Variants in CCDC74B observed in about 807,000 individuals in gnomAD.
CCDC74B encodes coiled-coil domain containing 74B.
In CCDC74B, 34 loss-of-function variants were observed where a neutral mutation model predicts 38.0. The observed-to-expected ratio is 0.89, with a 90% confidence interval of 0.68 to 1.19. CCDC74B has a LOEUF of 1.19. CCDC74B is among the 50% of genes most tolerant of loss of function. The pLI is 0.00. For missense variants in CCDC74B, 358 were observed against 406.0 expected (o/e 0.88, Z 1.02); for synonymous variants, 132 against 170.4 (o/e 0.77, Z 1.76).
Position 130,144,264 on chromosome 2 carries a change from C to G in CCDC74B, c.250+483G>C, listed in dbSNP as rs1685879051. On this transcript the variant is annotated intron_variant, in intron 1 of 7. Coordinates refer to ENST00000409943, the MANE Select transcript of CCDC74B (RefSeq NM_001258307.2). ...ACGCCATTCTCCTGCCTCAGCCTCCCGAGTAGCTGGGACTACAGACGCCCA... is the reference window on the plus strand; with the variant it reads ...ACGCCATTCTCCTGCCTCAGCCTCCGGAGTAGCTGGGACTACAGACGCCCA... 1.3e-5 allele frequency: 5 copies of G among 397,648 alleles called. 1 individual carries two copies. The highest frequency in any genetic ancestry group is 4.0e-5 in the South Asian group (2 of 49,656). The allele number at this position is 397,648 out of a possible 1,614,324, so 24.6% of individuals were successfully genotyped here.
intron 4 of CCDC74B, 154 bp from the exon 5 acceptor site, chr2:130,140,525 G>A: frequency 2.4e-6 from 2 of 833,380 alleles, no homozygotes; most frequent in East Asian, 2.7e-5. Context: ...ACCAGGTGGG[G>A]GTCTCTGGGA....
intron 3 of CCDC74B, chr2:130,141,729 CAGA>C: frequency 2.6e-6 from 1 of 386,332 alleles, no homozygotes; most frequent in South Asian, 3.0e-5. Context: ...GTTCACTCTG[CAGA>C]AGGTGCCATG....
intron 2 of CCDC74B, chr2:130,142,974 C>T: frequency 1.3e-6 from 2 of 1,515,588 alleles, no homozygotes; most frequent in East Asian, 2.5e-5. Context: ...CCCAGGGGTT[C>T]CTTCCCATTT....
At position 130,140,065 on chromosome 2, in the gene CCDC74B, C is replaced by G; in HGVS notation, c.710G>C (p.Ser237Thr). 6.2e-7 allele frequency: 1 copy of G among 1,612,364 alleles called. No individual in the cohort carries two copies. The highest frequency in any genetic ancestry group is 1.3e-5 in the African/African-American group (1 of 74,966). Residue 237 changes from serine (S) to threonine (T), a missense_variant, in exon 6 of 8, where the codon AGC (serine) becomes ACC (threonine). By Grantham distance (58) the Ser-to-Thr change is moderately conservative (BLOSUM62 1). Coordinates refer to ENST00000409943, the MANE Select transcript of CCDC74B (RefSeq NM_001258307.2). ...LQHLKSLLEG[S>T]QRPQAVPEEA... Reference sequence around the variant, plus strand: ...CTCCGGGACTGCCTGGGGCCTCTGGCTCCCTTCCAGGAGGGACTTGAGGTG... The same window carrying G: ...CTCCGGGACTGCCTGGGGCCTCTGGGTCCCTTCCAGGAGGGACTTGAGGTG...
In CCDC74B at chr2:130,140,107, G is replaced by A. The variant is rs1444760133; in HGVS notation, c.679-11C>T. On this transcript the variant is annotated splice_polypyrimidine_tract_variant and intron_variant, in intron 5 of 7. Transcript: ENST00000409943. ...CTTGAGGTGCTGCAGCTGAAAGGCA[G>A]GGGCAGGGGCGTGGTGGGGCCTGTG... 6.2e-7 allele frequency: 1 copy of A among 1,613,170 alleles called. No individual in the cohort carries two copies. The highest frequency in any genetic ancestry group is 2.2e-5 in the East Asian group (1 of 44,858).
At position 130,144,887 on chromosome 2, in the gene CCDC74B, T is replaced by C. The variant is rs771465968; in HGVS notation, c.110A>G (p.Gln37Arg). 18 of 1,612,460 alleles carry C rather than the reference T, an allele frequency of 1.1e-5. No homozygotes were observed. The highest frequency in any genetic ancestry group is 1.5e-5 in the Non-Finnish European group (18 of 1,179,496). ...GTCGCTCTGCCTGAGCTGCGGGCTC[T>C]GCGGCCTCAAGGACTGGACGCCCAC... ...PSVGVQSLRP[Q>R]SPQLRQSDPQ... Residue 37 changes from glutamine (Q) to arginine (R), a missense_variant, in exon 1 of 8, where the codon CAG becomes CGG. Around this residue, in one of 3 missense-constraint regions of CCDC74B, gnomAD observed 128 missense variants for 146.7 expected, o/e 0.87. Coordinates refer to ENST00000409943, the MANE Select transcript of CCDC74B (RefSeq NM_001258307.2).
Position 130,139,692 on chromosome 2 carries a change from T to TG in CCDC74B, c.810-3dup. The TG allele has an allele frequency of 6.2e-7, 1 of 1,612,818 alleles. No homozygotes were observed. The highest frequency in any genetic ancestry group is 8.5e-7 in the Non-Finnish European group (1 of 1,179,928). ...GCCACAGGTGGGCTCAGAAGCAGGCTGGGGGCGGGTAGAGGGACTGTCACC... is the reference window on the plus strand; with the variant it reads ...GCCACAGGTGGGCTCAGAAGCAGGCTGGGGGGCGGGTAGAGGGACTGTCACC... On this transcript the variant is annotated splice_polypyrimidine_tract_variant and splice_region_variant and intron_variant, in intron 7 of 7. Coordinates refer to ENST00000409943, the MANE Select transcript of CCDC74B (RefSeq NM_001258307.2).
At chr2:130,142,565 C>T (rs1431325472) in intron 2 of CCDC74B, 1 of 1,550,606 alleles carries the variant, frequency 6.4e-7, no homozygotes, top group African/African-American at 1.4e-5. Flanking sequence ...CCCTCAACCC[C>T]ATTCTCCATG....
At chr2:130,140,458 G>A in intron 4 of CCDC74B, 87 bp from the exon 5 acceptor site, 1 of 1,431,466 alleles carries the variant, frequency 7.0e-7, no homozygotes, top group Non-Finnish European at 9.4e-7. Context: ...CAGCGCCCAG[G>A]CCAATGTGGG....
At chr2:130,140,408 C>G (rs1685531232) in intron 4 of CCDC74B, 37 bp from the exon 5 acceptor site, 1 of 1,514,322 alleles carries the variant, frequency 6.6e-7, no homozygotes, top group Non-Finnish European at 8.8e-7. Context: ...GGTGACCTGC[C>G]CAGGTGCGTC....
In CCDC74B at chr2:130,139,710, C is replaced by T; in HGVS notation, c.810-20G>A. On this transcript the variant is annotated intron_variant, in intron 7 of 7. Coordinates refer to ENST00000409943, the MANE Select transcript of CCDC74B (RefSeq NM_001258307.2). ...AGCAGGCTGGGGGCGGGTAGAGGGA[C>T]TGTCACCGTGAGCATCCTCGCGAGT... 6.2e-7 allele frequency: 1 copy of T among 1,612,340 alleles called. No homozygotes were observed. Among genetic ancestry groups the T allele is most frequent in the Non-Finnish European group, 8.5e-7 (1 of 1,179,812 alleles).
chr2:130,142,861 C>T, intron 2 of CCDC74B: 2 of 1,550,386 alleles, frequency 1.3e-6, no homozygotes, highest in South Asian at 2.4e-5. Flanking sequence ...TGTCCAGAGC[C>T]CCTGGGCCCC....
In CCDC74B at chr2:130,144,789, T is replaced by C. The variant is rs1573643923; in HGVS notation, c.208A>G (p.Lys70Glu). The C allele has an allele frequency of 2.5e-6, 4 of 1,613,494 alleles. No homozygotes were observed. The highest frequency in any genetic ancestry group is 1.1e-5 in the South Asian group (1 of 91,070). ...AGATGCTCGATCTCCTCATGGAGCT[T>C]GGCCAGCATCTCCGAGTGCTGCTGC... ...LQQQHSEMLA[K>E]LHEEIEHLKR... Residue 70 changes from lysine to glutamate, a missense_variant, in exon 1 of 8, where the codon AAG (lysine) becomes GAG (glutamate). Around this residue, in one of 3 missense-constraint regions of CCDC74B, gnomAD observed 128 missense variants for 146.7 expected, o/e 0.87. Transcript: ENST00000409943.
intron 2 of CCDC74B, chr2:130,142,770 G>T (rs1236199291): frequency 6.5e-7 from 1 of 1,549,276 alleles, no homozygotes; most frequent in Non-Finnish European, 8.7e-7. Flanking sequence ...TGGACAAGTG[G>T]CAAGGAAACA....
In CCDC74B at chr2:130,141,240, G is replaced by C; in HGVS notation, c.403C>G (p.Pro135Ala). 3 of 1,529,038 alleles carry C rather than the reference G, an allele frequency of 2.0e-6. No individual in the cohort carries two copies. Among genetic ancestry groups the C allele is most frequent in the Non-Finnish European group, 2.7e-6 (3 of 1,115,920 alleles). The allele number at this position is 1,529,038 out of a possible 1,614,324, so 94.7% of individuals were successfully genotyped here. The change falls in exon 4 of 8, where the codon CCC becomes GCC. Residue 135 changes from proline (P) to alanine (A), a missense_variant. Pro to Ala is a conservative substitution (Grantham distance 27). Coordinates refer to ENST00000409943, the MANE Select transcript of CCDC74B (RefSeq NM_001258307.2). ...TCCTCTTCCAGGTCCGCCTTCTGGG[G>C]GACGTCAGCTTTTGAATCTTGCTTG... ...FNKQDSKADV[P>A]QKADLEEEPL...
chr2:130,144,408 G>A, intron 1 of CCDC74B: 1 of 1,111,194 alleles, frequency 9.0e-7, no homozygotes, highest in Non-Finnish European at 1.3e-6. Flanking sequence ...CAAAGTGCTG[G>A]AATTACAGGC....
In CCDC74B at chr2:130,140,082, C is replaced by T. The variant is rs773549349; in HGVS notation, c.693G>A (p.Lys231=). The change falls in exon 6 of 8, where the codon AAG becomes AAA. Residue 231 remains lysine, a synonymous_variant. Transcript: ENST00000409943. ...LLQTQELQHL[K]SLLEGSQRPQ... ...GCCTCTGGCTCCCTTCCAGGAGGGA[C>T]TTGAGGTGCTGCAGCTGAAAGGCAG... 5.6e-6 allele frequency: 9 copies of T among 1,612,722 alleles called. No individual in the cohort carries two copies. The highest frequency in any genetic ancestry group is 2.2e-5 in the South Asian group (2 of 91,036).
In CCDC74B at chr2:130,142,172, T is replaced by A; in HGVS notation, c.307A>T (p.Thr103Ser). Residue 103 changes from threonine (T) to serine (S), a missense_variant, in exon 3 of 8, where the codon ACG becomes TCG. By Grantham distance (58) the Thr-to-Ser change is moderately conservative (BLOSUM62 1). Transcript: ENST00000409943. ...GACTTGACAGACTGGAAGCTTGACG[T>A]GGAGAGGCTGTCTGCAGGAGAGCGC... ...QTSQKKDSLS[T>S]SSFQSVKSIS... 1 of 1,613,604 alleles carries A rather than the reference T, an allele frequency of 6.2e-7. No homozygotes were observed. Among genetic ancestry groups the A allele is most frequent in the Non-Finnish European group, 8.5e-7 (1 of 1,179,810 alleles).
chr2:130,140,464 G>A, intron 4 of CCDC74B, 93 bp from the exon 5 acceptor site: 1 of 1,399,222 alleles, frequency 7.1e-7, no homozygotes, highest in Non-Finnish European at 9.7e-7. Flanking sequence ...CCAGGCCAAT[G>A]TGGGGAAGAG....
Sources: allele counts gnomAD v4.1 joint callset, GRCh38; gene constraint gnomAD v4.1.1; regional missense constraint gnomAD v4.1.1; transcripts MANE v1.5; gene names NCBI Gene and HGNC (gene_info 2026-07-23, HGNC 2026-07-21).